TRIM46: variants seen among roughly 807,000 people sequenced by gnomAD.
The protein encoded by TRIM46 is tripartite motif-containing protein 46.
TRIM46 carries 17 observed loss-of-function variants against 69.7 expected under a neutral mutation model. That is an observed-to-expected ratio of 0.24 (90% CI 0.17 to 0.37). The LOEUF (loss-of-function observed/expected upper bound fraction) is 0.37. Ranked by LOEUF, TRIM46 falls within the 10% of genes least tolerant of loss-of-function variation. The pLI, the probability that TRIM46 is intolerant of heterozygous loss-of-function variation, is 1.00. For synonymous variants in TRIM46, 391 were observed against 429.0 expected, an observed-to-expected ratio of 0.91 and a Z score of 1.09; for missense variants, 675 against 1,025.1, an observed-to-expected ratio of 0.66 and a Z score of 4.66.
rs767107407 is a variant in TRIM46, at chr1:155,175,915, G to A, written c.353G>A (p.Arg118Gln). ...SGFGTYPGRK[R>Q]GALHPQVIMF... ...TTTGGGACATACCCTGGGAGGAAGC[G>A]AGGTGCTTTGCACCCCCAAGTGATC... is the stretch of plus-strand genomic sequence containing the variant. Residue 118 changes from arginine to glutamine, a missense_variant, in exon 3 of 10, where the codon CGA becomes CAA. By Grantham distance (43) the Arg-to-Gln change is conservative (BLOSUM62 1). Transcript: ENST00000334634. This position sits in a 1 kb window ranked among gnomAD's most constrained non-coding sequence, Gnocchi z 4.2. 1.6e-5 allele frequency: 25 copies of A among 1,591,096 alleles called. No individual in the cohort carries two copies. The highest frequency in any genetic ancestry group is 1.4e-5 in the Non-Finnish European group (16 of 1,166,346).
Position 155,181,869 on chromosome 1 carries a change from G to A in TRIM46, c.1606G>A (p.Asp536Asn), listed in dbSNP as rs757112582. 6.8e-6 allele frequency: 11 copies of A among 1,611,070 alleles called. No individual in the cohort carries two copies. Among genetic ancestry groups the A allele is most frequent in the East Asian group, 4.5e-5 (2 of 44,826 alleles). Reference protein sequence around the residue: ...PPAPVLHFFLDSRWGASRERL... With the variant: ...PPAPVLHFFLNSRWGASRERL... ...CCTTCCAGTCCTGCACTTCTTCCTC[G>A]ATAGCCGCTGGGGCGCAAGCCGAGA... is the stretch of plus-strand genomic sequence containing the variant. Residue 536 changes from aspartate to asparagine, a missense_variant, in exon 9 of 10, where the codon GAT becomes AAT. Physicochemically the swap from Asp to Asn is conservative, Grantham distance 23. This residue lies in a region of TRIM46 where 361 missense variants were observed against 498.3 expected (regional missense o/e 0.72). Coordinates refer to ENST00000334634, the MANE Select transcript of TRIM46 (RefSeq NM_025058.5). The surrounding 1 kb of genome is among the most constrained non-coding windows in gnomAD (Gnocchi z 4.3).
chr1:155,177,258 T>G lies in TRIM46; in HGVS notation c.877T>G (p.Cys293Gly). 1 of 1,614,094 alleles carries G rather than the reference T, an allele frequency of 6.2e-7. No homozygotes were observed. ...CCAGGACACGGTACAGACCCAGATCTGTGAGCTGGAGGAGGCCGTGAGGCA... is the reference window on the plus strand; with the variant it reads ...CCAGGACACGGTACAGACCCAGATCGGTGAGCTGGAGGAGGCCGTGAGGCA... ...GNQDTVQTQI[C>G]ELEEAVRHTE... Residue 293 changes from cysteine to glycine, a missense_variant, in exon 5 of 10, where the codon TGT becomes GGT. By Grantham distance (159) the Cys-to-Gly change is radical. Coordinates refer to ENST00000334634, the MANE Select transcript of TRIM46 (RefSeq NM_025058.5).
chr1:155,178,368 T>C (rs1665856212), intron 6 of TRIM46, 113 bp downstream of exon 6: 1 of 1,568,260 alleles, frequency 6.4e-7, no homozygotes, highest in African/African-American at 1.4e-5. Context: ...AGGATTCTCA[T>C]GAGGCCAAAC....
At chr1:155,174,608 C>G (rs780251128) in intron 1 of TRIM46, 2 of 1,529,222 alleles carry the variant, frequency 1.3e-6, no homozygotes, top group Non-Finnish European at 1.7e-6. Flanking sequence ...CAGCTGCGCC[C>G]CTGACCGGGA....
intron 9 of TRIM46, chr1:155,182,487 T>C: frequency 2.1e-6 from 1 of 466,612 alleles, no homozygotes; most frequent in Non-Finnish European, 3.8e-6. Flanking sequence ...ACACTCCATT[T>C]CCAACATACC....
intron 8 of TRIM46, chr1:155,180,336 C>T (rs979778832): frequency 6.5e-6 from 2 of 309,214 alleles, no homozygotes; most frequent in Non-Finnish European, 1.2e-5. Context: ...GTAGCTCATG[C>T]CTGTAATCCC....
At position 155,179,620 on chromosome 1, in the gene TRIM46, C is replaced by A; in HGVS notation, c.1286-12C>A. 1.3e-6 allele frequency: 2 copies of A among 1,579,010 alleles called. No homozygotes were observed. Among genetic ancestry groups the A allele is most frequent in the Non-Finnish European group, 8.6e-7 (1 of 1,158,988 alleles). On this transcript the variant is annotated splice_polypyrimidine_tract_variant and intron_variant, in intron 7 of 9. Coordinates refer to ENST00000334634, the MANE Select transcript of TRIM46 (RefSeq NM_025058.5). The stretch of plus-strand genomic sequence containing the variant: ...CCAGGCCCTGACTGACACCCGCTGT[C>A]TCTTCCAACAGTGCCTGAGGCCCCC...
At position 155,178,632 on chromosome 1, in the gene TRIM46, C is replaced by T. The variant is rs1275015502; in HGVS notation, c.1285+19C>T. The T allele has an allele frequency of 6.2e-7, 1 of 1,610,404 alleles. No homozygotes were observed. The highest frequency in any genetic ancestry group is 8.5e-7 in the Non-Finnish European group (1 of 1,179,816). ...CTGCGAGGTAAGGAGATGGCCAGGC[C>T]CCATGCCCAACCAGAGCCTTCTTCC... On this transcript the variant is annotated intron_variant, in intron 7 of 9. Coordinates refer to ENST00000334634, the MANE Select transcript of TRIM46 (RefSeq NM_025058.5).
At chr1:155,174,925 C>T (rs567985489) in intron 1 of TRIM46, 2 of 1,400,654 alleles carry the variant, frequency 1.4e-6, no homozygotes, top group Non-Finnish European at 9.2e-7. Context: ...ATGGAGCGAG[C>T]AGGATGGAGT....
At position 155,179,661 on chromosome 1, in the gene TRIM46, C is replaced by T. The variant is rs1240920866; in HGVS notation, c.1315C>T (p.Arg439Cys). The T allele has an allele frequency of 3.1e-6, 5 of 1,610,020 alleles. No individual in the cohort carries two copies. Among genetic ancestry groups the T allele is most frequent in the Non-Finnish European group, 4.2e-6 (5 of 1,177,714 alleles). ...TGAGGCCCCCGTCATTGACACCCAG[C>T]GCACCTTTGCCTATGATCAGATCTT... ...VPEAPVIDTQ[R>C]TFAYDQIFLC... Residue 439 changes from arginine to cysteine, a missense_variant, in exon 8 of 10, where the codon CGC becomes TGC. Arg to Cys is a radical substitution (Grantham distance 180). Coordinates refer to ENST00000334634, the MANE Select transcript of TRIM46 (RefSeq NM_025058.5).
chr1:155,174,474 C>G lies in TRIM46; in HGVS notation c.63+445C>G, dbSNP rs1000594297. The G allele has an allele frequency of 7.1e-6, 10 of 1,418,200 alleles. No homozygotes were observed. In the African/African-American group the frequency reaches 1.4e-4, roughly 20 times the overall value. 87.9% of individuals were successfully genotyped at this position (1,418,200 alleles called of 1,614,324 possible). On this transcript the variant is annotated intron_variant, in intron 1 of 9. Transcript: ENST00000334634. ...CAAGACCCCACCCCACGCACCCCCA[C>G]TCAGGGCTGCTTCCGAGCCTGCGGT...
chr1:155,174,792 C>T (rs1485294385), intron 1 of TRIM46: 20 of 1,428,040 alleles, frequency 1.4e-5, no homozygotes, highest in Non-Finnish European at 1.8e-5. Flanking sequence ...GGTTGCGCTG[C>T]GGGAGAGGGC....
chr1:155,174,461 C>T (rs113794109), intron 1 of TRIM46: 1 of 1,401,858 alleles, frequency 7.1e-7, no homozygotes, highest in East Asian at 2.9e-5. Context: ...AGACCCCACC[C>T]CACGCACCCC....
In TRIM46 at chr1:155,177,043, A is replaced by G; in HGVS notation, c.781A>G (p.Thr261Ala). 1 of 1,614,078 alleles carries G rather than the reference A, an allele frequency of 6.2e-7. No homozygotes were observed. The highest frequency in any genetic ancestry group is 8.5e-7 in the Non-Finnish European group (1 of 1,179,934). ...GCGCACCCACAGCGGGCACAAGATC[A>G]CACCAGTGCTCAGTGCCTACCAGGC... ...VRRTHSGHKI[T>A]PVLSAYQALK... Residue 261 changes from threonine to alanine, a missense_variant, in exon 4 of 10, where the codon ACA becomes GCA. This residue lies in a region of TRIM46 where 361 missense variants were observed against 498.3 expected (regional missense o/e 0.72). Transcript: ENST00000334634.
Position 155,181,704 on chromosome 1 carries a change from C to T in TRIM46, c.1589-148C>T, listed in dbSNP as rs1020323375. Reference sequence around the variant, plus strand: ...TTCCTCATGCCCCCCATTCCAGTTTCCCATGTCCTGTTCTCCTGAACCCCC... The same window carrying T: ...TTCCTCATGCCCCCCATTCCAGTTTTCCATGTCCTGTTCTCCTGAACCCCC... On this transcript the variant is annotated intron_variant, in intron 8 of 9. Coordinates refer to ENST00000334634, the MANE Select transcript of TRIM46 (RefSeq NM_025058.5). The surrounding 1 kb of genome is among the most constrained non-coding windows in gnomAD (Gnocchi z 4.3). 4 of 769,440 alleles carry T rather than the reference C, an allele frequency of 5.2e-6. No homozygotes were observed. The Admixed American group carries it at 1.1e-4, about 21-fold the overall frequency. The allele number at this position is 769,440 out of a possible 1,614,324, so 47.7% of individuals were successfully genotyped here. A position where few individuals can be genotyped will look rare whatever the true frequency, so the allele number is the denominator to read the frequency against.
rs182343652 is a variant in TRIM46 at position 155,184,589 on chromosome 1, C to A, written c.*399C>A. The A allele has an allele frequency of 1.1e-5, 2 of 189,300 alleles. No homozygotes were observed. Among genetic ancestry groups the A allele is most frequent in the Admixed American group, 1.1e-4 (2 of 18,698 alleles). The allele number at this position is 189,300 out of a possible 1,614,324, so 11.7% of individuals were successfully genotyped here. A position where few individuals can be genotyped will look rare whatever the true frequency, so the allele number is the denominator to read the frequency against. ...GCCCTTGCCCTGCCAAGCTCCCTGC[C>A]CTGTTGATGCTGAACTACAGCCTTG... On this transcript the variant is annotated 3_prime_UTR_variant, in exon 10 of 10. Coordinates refer to ENST00000334634, the MANE Select transcript of TRIM46 (RefSeq NM_025058.5). This position sits in a 1 kb window ranked among gnomAD's most constrained non-coding sequence, Gnocchi z 5.6.
intron 5 of TRIM46, 22 bp downstream of exon 5, chr1:155,177,312 G>A (rs1342294376): frequency 1.9e-6 from 3 of 1,594,810 alleles, no homozygotes; most frequent in South Asian, 2.2e-5. Context: ...CACAGAGGTA[G>A]GCCCTGGGCC....
In TRIM46 at chr1:155,184,285, C is replaced by A. The variant is rs1179248927; in HGVS notation, c.*95C>A. On this transcript the variant is annotated 3_prime_UTR_variant, in exon 10 of 10. Coordinates refer to ENST00000334634, the MANE Select transcript of TRIM46 (RefSeq NM_025058.5). This position sits in a 1 kb window ranked among gnomAD's most constrained non-coding sequence, Gnocchi z 5.6. ...TTGTTACCCCCTGGCAGCTTCTCCC[C>A]CAAACTCTCCTACCATGTGGCCCTG... 44 of 1,317,076 alleles carry A rather than the reference C, an allele frequency of 3.3e-5. No homozygotes were observed. The highest frequency in any genetic ancestry group is 4.5e-5 in the Non-Finnish European group (44 of 986,828). The allele number at this position is 1,317,076 out of a possible 1,614,324, so 81.6% of individuals were successfully genotyped here.
chr1:155,177,254 G>T lies in TRIM46; in HGVS notation c.873G>T (p.Gln291His). Residue 291 changes from glutamine to histidine, a missense_variant, in exon 5 of 10, where the codon CAG becomes CAT. Transcript: ENST00000334634. ...GAAACCAGGACACGGTACAGACCCA[G>T]ATCTGTGAGCTGGAGGAGGCCGTGA... The part of the protein sequence containing the change: ...ILGNQDTVQT[Q>H]ICELEEAVRH... 1.2e-6 allele frequency: 2 copies of T among 1,614,150 alleles called. No individual in the cohort carries two copies. Among genetic ancestry groups the T allele is most frequent in the South Asian group, 1.1e-5 (1 of 91,064 alleles).
Sources: allele counts gnomAD v4.1 joint callset, GRCh38; gene constraint gnomAD v4.1.1; regional missense constraint gnomAD v4.1.1; non-coding constraint Gnocchi (gnomAD v3.1); transcripts MANE v1.5; gene names NCBI Gene and HGNC (gene_info 2026-07-23, HGNC 2026-07-21).